Variants in SGK1 observed in about 807,000 individuals in gnomAD.
The protein encoded by SGK1 is serine/threonine-protein kinase Sgk1.
In SGK1, 26 loss-of-function variants were observed where a neutral mutation model predicts 64.2. The ratio of observed to expected loss-of-function variants is 0.40; its 90% CI spans 0.30 to 0.56. The LOEUF (loss-of-function observed/expected upper bound fraction) is 0.56. SGK1 is among the 20% of genes least tolerant of loss of function. The pLI is 0.38. For synonymous variants in SGK1, 265 were observed against 239.7 expected, an observed-to-expected ratio of 1.11 and a Z score of -0.98; for missense variants, 519 against 645.6, an observed-to-expected ratio of 0.80 and a Z score of 2.12.
At chr6:134,282,525 C>A (rs570821677) in intron 1 of SGK1, among the ~76,000 whole-genome samples, 2 of 150,384 alleles carry the variant, frequency 1.3e-5, no homozygotes, top group South Asian at 4.2e-4. Context: ...TGGTGGCGCA[C>A]ACCTGTAATT....
At chr6:134,232,737 G>A (rs1050270973) in intron 2 of SGK1, among the ~76,000 whole-genome samples, 2 of 151,662 alleles carry the variant, frequency 1.3e-5, no homozygotes, top group Non-Finnish European at 2.9e-5. Context: ...GGTAATCCCA[G>A]CTACCTGGGA....
At chr6:134,264,643 A>T (rs577739931) in intron 1 of SGK1, among the ~76,000 whole-genome samples, 153 of 151,540 alleles carry the variant, frequency 1.0e-3, no homozygotes, top group Middle Eastern at 6.8e-3. Context: ...TATTATTATT[A>T]TTTTTGTTGT....
intron 1 of SGK1, among the ~76,000 whole-genome samples, chr6:134,289,912 G>T (rs920457811): frequency 5.3e-5 from 8 of 152,122 alleles, no homozygotes; most frequent in African/African-American, 1.9e-4. Context: ...ACTTTGGGAG[G>T]CTGAGGCGGG....
At chr6:134,174,764 G>C in intron 3 of SGK1, 178 bp from the exon 4 acceptor site, 1 of 1,614,200 alleles carries the variant, frequency 6.2e-7, no homozygotes, top group East Asian at 2.2e-5. Flanking sequence ...CCTCATCCTG[G>C]AGTAAGTGAG....
chr6:134,173,580 AAAAG>A lies in SGK1; in HGVS notation c.514-18_514-15del, dbSNP rs1202785489. 3.8e-6 allele frequency: 6 copies of A among 1,558,488 alleles called. No individual in the cohort carries two copies. The African/African-American group carries it at 4.2e-5, about 11-fold the overall frequency. ...AGAAGGACTTGGCTAGAAAAAAAAA[AAAAG>A]AATTTCTTTTAATACCATTGCTTCA... On this transcript the variant is annotated splice_polypyrimidine_tract_variant and intron_variant, in intron 5 of 13. Coordinates refer to ENST00000367858, the MANE Select transcript of SGK1 (RefSeq NM_001143676.3).
chr6:134,295,982 G>C (rs1205345543), intron 1 of SGK1, among the ~76,000 whole-genome samples: 1 of 152,182 alleles, frequency 6.6e-6, no homozygotes, highest in Non-Finnish European at 1.5e-5. Context: ...GAACAAAGAA[G>C]TTCACTTCAA....
chr6:134,309,524 C>T (rs1777581470), intron 1 of SGK1, among the ~76,000 whole-genome samples: 2 of 152,232 alleles, frequency 1.3e-5, no homozygotes, highest in Non-Finnish European at 2.9e-5. Context: ...GTCACTGCTG[C>T]TGTCCTCATT....
intron 1 of SGK1, among the ~76,000 whole-genome samples, chr6:134,306,744 G>A (rs868574238): frequency 1.4e-4 from 22 of 151,872 alleles, no homozygotes; most frequent in South Asian, 6.2e-4. Context: ...AGCTGGTCTC[G>A]AATCCGCTCG....
chr6:134,295,585 T>C (rs1189346611), intron 1 of SGK1, among the ~76,000 whole-genome samples: 1 of 152,046 alleles, frequency 6.6e-6, no homozygotes, highest in Non-Finnish European at 1.5e-5. Context: ...GTGCCTGTAA[T>C]CCCAGCTACT....
intron 1 of SGK1, among the ~76,000 whole-genome samples, chr6:134,270,890 T>C (rs932124676): frequency 6.8e-6 from 1 of 147,886 alleles, no homozygotes; most frequent in African/African-American, 2.4e-5. Context: ...ATCCTCCCCA[T>C]TGAGGAATCC....
At chr6:134,315,546 G>C (rs1231469259) in intron 1 of SGK1, among the ~76,000 whole-genome samples, 2 of 152,130 alleles carry the variant, frequency 1.3e-5, no homozygotes, top group Non-Finnish European at 2.9e-5. Context: ...ATTTCTATTA[G>C]TACATTTTGA....
At chr6:134,192,864 ACCCACTATTAACCCCTTATTT>A (rs1157708948) in intron 3 of SGK1, among the ~76,000 whole-genome samples, 1 of 152,048 alleles carries the variant, frequency 6.6e-6, no homozygotes, top group Non-Finnish European at 1.5e-5. Context: ...CTCCTGGTCC[ACCCACTATTAACCCCTTATTT>A]CCTACCCTTC....
At chr6:134,231,088 T>G (rs530344573) in intron 2 of SGK1, among the ~76,000 whole-genome samples, 2 of 152,012 alleles carry the variant, frequency 1.3e-5, no homozygotes, top group Non-Finnish European at 2.9e-5. Context: ...ACTCAAGAGG[T>G]TAAGGTGGAA....
intron 2 of SGK1, among the ~76,000 whole-genome samples, chr6:134,232,177 G>A (rs534528463): frequency 1.1e-4 from 17 of 151,382 alleles, no homozygotes; most frequent in African/African-American, 3.9e-4. Flanking sequence ...GCACGAGGTC[G>A]AGAGTTCGGA....
chr6:134,294,690 C>A (rs1777318500), intron 1 of SGK1, among the ~76,000 whole-genome samples: 2 of 152,018 alleles, frequency 1.3e-5, no homozygotes, highest in Admixed American at 1.3e-4. Flanking sequence ...GTGCACCACC[C>A]CCCCAACCAG....
At chr6:134,210,460 G>A (rs1359646843) in intron 2 of SGK1, among the ~76,000 whole-genome samples, 4 of 152,114 alleles carry the variant, frequency 2.6e-5, no homozygotes, top group African/African-American at 9.7e-5. Context: ...TTTAATTTAG[G>A]CAAGACGACT....
intron 2 of SGK1, among the ~76,000 whole-genome samples, chr6:134,250,387 T>C (rs1776589497): frequency 2.6e-5 from 4 of 152,250 alleles, no homozygotes; most frequent in African/African-American, 9.6e-5. Context: ...GTGATGATTT[T>C]TTCAAGAGAT....
chr6:134,215,139 T>C (rs1485076462), intron 2 of SGK1: 5 of 405,460 alleles, frequency 1.2e-5, no homozygotes, highest in African/African-American at 6.6e-5. Flanking sequence ...TCTTTCTTTT[T>C]TTTTTTTTGA....
intron 1 of SGK1, chr6:134,298,155 T>C: frequency 7.7e-7 from 1 of 1,305,868 alleles, no homozygotes; most frequent in East Asian, 2.3e-5. Context: ...TCATTCTCCA[T>C]CTCTGTAAGC....
Sources: allele counts gnomAD v4.1 joint callset (sites outside exome capture counted in the v4.1 genomes callset), GRCh38; gene constraint gnomAD v4.1.1; transcripts MANE v1.5; gene names NCBI Gene and HGNC (gene_info 2026-07-23, HGNC 2026-07-21).